CELF5: variants seen among roughly 807,000 people sequenced by gnomAD.
CELF5 encodes the protein CUGBP Elav-like family member 5.
A neutral mutation model predicts 54.9 loss-of-function variants in CELF5; 6 were observed. That is an observed-to-expected ratio of 0.11 (90% CI 0.06 to 0.22). The LOEUF (loss-of-function observed/expected upper bound fraction) is 0.22, where lower values mean the gene tolerates loss of function less well. Ranked by LOEUF, CELF5 falls within the 10% of genes least tolerant of loss-of-function variation. The probability of loss-of-function intolerance (pLI) is 1.00; values close to 1 mark genes in which losing one functional copy is unlikely to be tolerated. For synonymous variants in CELF5, 271 were observed against 290.9 expected, an observed-to-expected ratio of 0.93 and a Z score of 0.70; for missense variants, 401 against 678.6, an observed-to-expected ratio of 0.59 and a Z score of 4.54.
At chr19:3,254,557 CCACCCATCCACCCATCAATT>C (rs2079694707) in intron 2 of CELF5, among the ~76,000 whole-genome samples, 1 of 151,598 alleles carries the variant, frequency 6.6e-6, no homozygotes, top group African/African-American at 2.4e-5. Context: ...ATCCATTCAT[CCACCCATCCACCCATCAATT>C]CATCCATCCA....
intron 2 of CELF5, among the ~76,000 whole-genome samples, chr19:3,262,160 G>C (rs990129438): frequency 1.3e-5 from 2 of 151,994 alleles, no homozygotes; most frequent in South Asian, 2.1e-4. Flanking sequence ...TCAGTCTCCC[G>C]AGTAGCTGGG....
chr19:3,267,794 CCT>C (rs1213851035), intron 2 of CELF5, among the ~76,000 whole-genome samples: 3 of 136,028 alleles, frequency 2.2e-5, no homozygotes, highest in African/African-American at 5.1e-5. Flanking sequence ...TCCTGAAACC[CCT>C]CTCTGTGCAG....
chr19:3,249,947 G>A (rs1023545655), intron 1 of CELF5, among the ~76,000 whole-genome samples: 2 of 152,026 alleles, frequency 1.3e-5, no homozygotes, highest in Non-Finnish European at 2.9e-5. Flanking sequence ...CCTTGTCCAG[G>A]GCTCTCAGCA....
chr19:3,245,279 G>T (rs2079550473), intron 1 of CELF5, among the ~76,000 whole-genome samples: 1 of 143,252 alleles, frequency 7.0e-6, no homozygotes, highest in Admixed American at 7.1e-5. Flanking sequence ...ATCTCTGTGT[G>T]TGTGCGTGTG....
At chr19:3,252,427 A>G (rs547858992) in intron 2 of CELF5, among the ~76,000 whole-genome samples, 2 of 152,238 alleles carry the variant, frequency 1.3e-5, no homozygotes, top group African/African-American at 4.8e-5. Flanking sequence ...GAGCCAGTCA[A>G]TCCGGGTCCC....
intron 10 of CELF5, among the ~76,000 whole-genome samples, chr19:3,286,967 G>A (rs369593149): frequency 6.7e-6 from 1 of 148,940 alleles, no homozygotes; most frequent in Non-Finnish European, 1.5e-5. Flanking sequence ...CCCAGGAGGC[G>A]GAGCTTGCAG....
rs369952682 is a variant in CELF5, at chr19:3,251,761, G to A, written c.342+694G>A. Among the ~76,000 whole-genome samples the A allele has an allele frequency of 3.4e-3, 491 of 143,382 alleles. 5 individuals carry two copies. The highest frequency in any genetic ancestry group is 0.01 in the African/African-American group (404 of 38,868). 94.1% of individuals were successfully genotyped at this position (143,382 alleles called of 152,430 possible). A position where few individuals can be genotyped will look rare whatever the true frequency, so the allele number is the denominator to read the frequency against. On this transcript the variant is annotated intron_variant, in intron 2 of 12. Transcript: ENST00000292672. ...ATGATCTCGGTTCACTGCAACCTCC[G>A]CCTCCCAGGTTCAAGTGATTCTCCT...
At chr19:3,273,945 C>T in intron 3 of CELF5, 22 bp downstream of exon 3, 1 of 1,610,228 alleles carries the variant, frequency 6.2e-7, no homozygotes, top group Admixed American at 1.7e-5. Context: ...TCCGTGGCTG[C>T]CAGGCTGGGG....
intron 1 of CELF5, among the ~76,000 whole-genome samples, chr19:3,248,352 C>T (rs531318537): frequency 6.6e-6 from 1 of 152,058 alleles, no homozygotes; most frequent in Non-Finnish European, 1.5e-5. Context: ...CAAACTGAAA[C>T]TGTATCCCTG....
intron 1 of CELF5, among the ~76,000 whole-genome samples, chr19:3,229,592 G>T (rs1386739393): frequency 6.6e-6 from 1 of 152,234 alleles, no homozygotes; most frequent in Non-Finnish European, 1.5e-5. Flanking sequence ...TTGGGCAGAT[G>T]TCTTCATCCC....
At chr19:3,259,744 C>T (rs1289690344) in intron 2 of CELF5, among the ~76,000 whole-genome samples, 1 of 151,392 alleles carries the variant, frequency 6.6e-6, no homozygotes, top group Non-Finnish European at 1.5e-5. Context: ...AGACACTGAG[C>T]AATGTCTGGG....
intron 5 of CELF5, among the ~76,000 whole-genome samples, chr19:3,279,774 C>T (rs1265153043): frequency 6.6e-6 from 1 of 152,156 alleles, no homozygotes; most frequent in Non-Finnish European, 1.5e-5. Flanking sequence ...GCAATCTCAG[C>T]TCACTGCAAT....
chr19:3,250,483 C>T (rs768100668), intron 1 of CELF5, among the ~76,000 whole-genome samples: 189 of 152,140 alleles, frequency 1.2e-3, no homozygotes, highest in East Asian at 1.4e-3. Flanking sequence ...AGCCAGACTC[C>T]GTCTCAAAAT....
chr19:3,255,936 G>T (rs181252967), intron 2 of CELF5, among the ~76,000 whole-genome samples: 1 of 151,838 alleles, frequency 6.6e-6, no homozygotes, highest in African/African-American at 2.4e-5. Flanking sequence ...GTGGTGGCAG[G>T]GGTCTGTAAT....
intron 10 of CELF5, among the ~76,000 whole-genome samples, chr19:3,289,773 C>CATT (rs891626642): frequency 4.8e-4 from 68 of 141,222 alleles, no homozygotes; most frequent in African/African-American, 1.7e-3. Flanking sequence ...ATTTTAGAGA[C>CATT]ATTATTATTA....
chr19:3,236,750 C>T (rs1424382406), intron 1 of CELF5, among the ~76,000 whole-genome samples: 3 of 151,814 alleles, frequency 2.0e-5, no homozygotes, highest in East Asian at 1.9e-4. Flanking sequence ...TTTGGGAGGC[C>T]GAGGTGGGTG....
intron 10 of CELF5, among the ~76,000 whole-genome samples, chr19:3,288,976 G>C (rs1324779406): frequency 6.6e-6 from 1 of 152,126 alleles, no homozygotes; most frequent in African/African-American, 2.4e-5. Flanking sequence ...AGATGAACAA[G>C]GTTTTAAAGG....
intron 1 of CELF5, among the ~76,000 whole-genome samples, chr19:3,245,157 G>A (rs1448219872): frequency 6.7e-6 from 1 of 148,876 alleles, no homozygotes; most frequent in Admixed American, 6.7e-5. Flanking sequence ...GCATCTCTGT[G>A]TGTGTTGTGC....
chr19:3,227,389 AC>A (rs1158360390), intron 1 of CELF5, among the ~76,000 whole-genome samples: 1 of 152,144 alleles, frequency 6.6e-6, no homozygotes, highest in Non-Finnish European at 1.5e-5. Flanking sequence ...CCTGCCACCA[AC>A]ATGACCTTAT....
Sources: gnomAD v4.1 joint callset for allele counts (sites outside exome capture counted in the v4.1 genomes callset) on GRCh38, gnomAD v4.1.1 for gene constraint, MANE v1.5 for transcripts, NCBI Gene and HGNC (gene_info 2026-07-23, HGNC 2026-07-21) for gene names.